The following PRKCB variants were observed in gnomAD, a reference collection of about 807,000 sequenced individuals.
PRKCB encodes protein kinase C beta type.
Under a neutral mutation model 81.5 loss-of-function variants are expected in PRKCB, and 13 were observed. The ratio of observed to expected loss-of-function variants is 0.16; its 90% CI spans 0.10 to 0.25. The LOEUF (loss-of-function observed/expected upper bound fraction) is 0.25, where lower values mean the gene tolerates loss of function less well. Ranked by LOEUF, PRKCB falls within the 10% of genes least tolerant of loss-of-function variation. The pLI is 1.00. For missense variants in PRKCB, 509 were observed against 875.7 expected (o/e 0.58, Z 5.29); for synonymous variants, 335 against 321.4 (o/e 1.04, Z -0.45).
chr16:23,932,124 A>G (rs9940744), intron 2 of PRKCB, among the ~76,000 whole-genome samples: 53,260 of 152,096 alleles, frequency 0.35, 9,584 homozygotes, highest in South Asian at 0.52. Context: ...CACGAAACCA[A>G]TGGCATGGAA....
At chr16:24,074,288 G>A (rs1182380132) in intron 5 of PRKCB, among the ~76,000 whole-genome samples, 5 of 152,178 alleles carry the variant, frequency 3.3e-5, no homozygotes, top group South Asian at 2.1e-4. Flanking sequence ...CTGTGATGTC[G>A]TGCCTAAGAG....
chr16:23,979,511 T>A (rs939591787), intron 2 of PRKCB, among the ~76,000 whole-genome samples: 6 of 152,172 alleles, frequency 3.9e-5, no homozygotes, highest in Admixed American at 3.9e-4. Context: ...CAGTTAAGGC[T>A]TTATTGTAAA....
chr16:24,020,153 C>G (rs1596514685), intron 3 of PRKCB, among the ~76,000 whole-genome samples: 1 of 152,190 alleles, frequency 6.6e-6, no homozygotes, highest in East Asian at 1.9e-4. Context: ...TCAACAGAAA[C>G]TGTCGGGATG....
chr16:24,181,155 A>G (rs2141972618), intron 13 of PRKCB, among the ~76,000 whole-genome samples: 1 of 152,356 alleles, frequency 6.6e-6, no homozygotes, highest in East Asian at 1.9e-4. Flanking sequence ...GAAAATTTAA[A>G]TAAAACCCAA....
intron 2 of PRKCB, among the ~76,000 whole-genome samples, chr16:23,927,093 G>C (rs757439188): frequency 9.2e-5 from 14 of 152,160 alleles, no homozygotes; most frequent in Non-Finnish European, 1.8e-4. Flanking sequence ...GCAGGTGCCT[G>C]TACGGTGAGA....
chr16:24,169,073 G>A (rs1567400080), intron 10 of PRKCB, among the ~76,000 whole-genome samples: 4 of 151,810 alleles, frequency 2.6e-5, no homozygotes, highest in East Asian at 1.9e-4. Context: ...AGAGATTATC[G>A]CATATGTTAT....
At chr16:23,911,825 CATT>C (rs375578117) in intron 2 of PRKCB, among the ~76,000 whole-genome samples, 1,473 of 126,288 alleles carry the variant, frequency 0.012, 87 homozygotes, top group African/African-American at 0.026. Context: ...GCGCGACCCA[CATT>C]TTTTTTTTTT....
intron 5 of PRKCB, among the ~76,000 whole-genome samples, chr16:24,078,812 G>A (rs1367912656): frequency 6.6e-6 from 1 of 152,172 alleles, no homozygotes; most frequent in African/African-American, 2.4e-5. Context: ...GTGGAGCAAC[G>A]CTGGGAACTG....
intron 16 of PRKCB, among the ~76,000 whole-genome samples, chr16:24,205,355 A>G (rs1968029726): frequency 2.0e-5 from 3 of 151,652 alleles, no homozygotes; most frequent in South Asian, 2.1e-4. Flanking sequence ...GGTTCTCTCT[A>G]TGTTGCCCAG....
At chr16:24,067,315 T>A (rs1966049663) in intron 5 of PRKCB, among the ~76,000 whole-genome samples, 1 of 152,040 alleles carries the variant, frequency 6.6e-6, no homozygotes, top group African/African-American at 2.4e-5. Flanking sequence ...TTTTAAAATT[T>A]TTTAGACGGG....
intron 10 of PRKCB, among the ~76,000 whole-genome samples, chr16:24,165,371 TA>T (rs1967326321): frequency 6.6e-6 from 1 of 152,192 alleles, no homozygotes; most frequent in Non-Finnish European, 1.5e-5. Context: ...GGGTTTGAAT[TA>T]GTTGTATACT....
chr16:24,043,157 G>A (rs897328726), intron 5 of PRKCB, among the ~76,000 whole-genome samples: 1 of 152,182 alleles, frequency 6.6e-6, no homozygotes, highest in Non-Finnish European at 1.5e-5. Context: ...GGGAAGGTAT[G>A]AACCAGAGAA....
intron 8 of PRKCB, among the ~76,000 whole-genome samples, chr16:24,122,928 C>T (rs569919202): frequency 6.6e-6 from 1 of 152,308 alleles, no homozygotes; most frequent in South Asian, 2.1e-4. Context: ...GAGTCCCTCT[C>T]CCATTGCACT....
chr16:24,124,480 A>G (rs1260605496), intron 9 of PRKCB, among the ~76,000 whole-genome samples: 1 of 152,198 alleles, frequency 6.6e-6, no homozygotes, highest in Non-Finnish European at 1.5e-5. Flanking sequence ...CTTTTTAAGC[A>G]GATTAGTGAC....
At chr16:23,841,573 A>C (rs1962264668) in intron 2 of PRKCB, among the ~76,000 whole-genome samples, 3 of 151,220 alleles carry the variant, frequency 2.0e-5, no homozygotes, top group African/African-American at 7.3e-5. Context: ...CTGCAGCCTC[A>C]AACTCCTGGG....
At position 24,176,298 on chromosome 16, in the gene PRKCB, G is replaced by C. The variant is rs116757141; in HGVS notation, c.1394+1718G>C. Among the ~76,000 whole-genome samples, 879 of 152,128 alleles carry C rather than the reference G, an allele frequency of 5.8e-3. 5 individuals are homozygous for C. Among genetic ancestry groups the C allele is most frequent in the African/African-American group, 0.02 (819 of 41,518 alleles). ...GAAAATGTAAAAATAGAGAGAAGAA[G>C]AAGAATTTAGAAGCTGAGGCAAGAG... On this transcript the variant is annotated intron_variant, in intron 12 of 16. Coordinates refer to ENST00000643927, the MANE Select transcript of PRKCB (RefSeq NM_002738.7).
At chr16:23,977,399 C>G (rs1378337835) in intron 2 of PRKCB, among the ~76,000 whole-genome samples, 1 of 152,170 alleles carries the variant, frequency 6.6e-6, no homozygotes, top group Non-Finnish European at 1.5e-5. Flanking sequence ...CCTCTCCTCA[C>G]AGCCCCATTA....
chr16:24,205,099 G>A (rs933238571), intron 16 of PRKCB, among the ~76,000 whole-genome samples: 2 of 149,428 alleles, frequency 1.3e-5, no homozygotes, highest in Non-Finnish European at 1.5e-5. Flanking sequence ...CAGCCTGGGC[G>A]ACAAAGTGAG....
intron 2 of PRKCB, among the ~76,000 whole-genome samples, chr16:23,884,827 C>T (rs531571161): frequency 6.6e-6 from 1 of 152,300 alleles, no homozygotes; most frequent in East Asian, 1.9e-4. Flanking sequence ...AGGTGTGAGC[C>T]ACAATGCCTA....
Sources: allele counts gnomAD v4.1 joint callset (sites outside exome capture counted in the v4.1 genomes callset), GRCh38; gene constraint gnomAD v4.1.1; transcripts MANE v1.5; gene names NCBI Gene and HGNC (gene_info 2026-07-23, HGNC 2026-07-21).